Variants in ANO4 observed in about 807,000 individuals in gnomAD.
The protein encoded by ANO4 is anoctamin 4, also known as anoctamin-4.
A neutral mutation model predicts 141.9 loss-of-function variants in ANO4; 69 were observed. That is an observed-to-expected ratio of 0.49 (90% confidence interval 0.40 to 0.59). The LOEUF is 0.59. Ranked by LOEUF, ANO4 falls within the 20% of genes least tolerant of loss-of-function variation. ANO4 has a pLI of 0.00. For missense variants in ANO4, 894 were observed against 1,162.2 expected, an observed-to-expected ratio of 0.77 and a Z score of 3.36; for synonymous variants, 350 against 394.3, an observed-to-expected ratio of 0.89 and a Z score of 1.33.
At chr12:100,873,309 G>A (rs1565956962) in intron 1 of ANO4, among the ~76,000 whole-genome samples, 1 of 152,204 alleles carries the variant, frequency 6.6e-6, no homozygotes, top group African/African-American at 2.4e-5. Flanking sequence ...AGTATGGAGG[G>A]CTCAGAGGAA....
chr12:100,736,641 G>A (rs1050612311), intron 2 of ANO4, among the ~76,000 whole-genome samples: 1 of 152,170 alleles, frequency 6.6e-6, no homozygotes, highest in African/African-American at 2.4e-5. Context: ...CTGTGATTGT[G>A]ACTGTATTTG....
chr12:100,722,114 T>C (rs1051886719), intron 1 of ANO4, among the ~76,000 whole-genome samples: 1 of 152,154 alleles, frequency 6.6e-6, no homozygotes, highest in African/African-American at 2.4e-5. Flanking sequence ...CAGTAAGCAT[T>C]AGGTATTATT....
At chr12:100,868,311 G>T (rs1300554110) in intron 1 of ANO4, among the ~76,000 whole-genome samples, 1 of 152,068 alleles carries the variant, frequency 6.6e-6, no homozygotes, top group Non-Finnish European at 1.5e-5. Context: ...TTGGTGAGAG[G>T]CTAAAATCCT....
At chr12:100,764,658 C>G (rs2033004445) in intron 3 of ANO4, among the ~76,000 whole-genome samples, 1 of 152,124 alleles carries the variant, frequency 6.6e-6, no homozygotes, top group Non-Finnish European at 1.5e-5. Context: ...TTACTTTATA[C>G]ATAATCAGCA....
intron 8 of ANO4, among the ~76,000 whole-genome samples, chr12:100,993,643 A>G (rs2045240427): frequency 1.3e-5 from 2 of 152,102 alleles, no homozygotes; most frequent in African/African-American, 4.8e-5. Context: ...GGCTACTGTT[A>G]TCTTGTTATT....
chr12:100,891,905 C>G (rs543833694), intron 1 of ANO4, among the ~76,000 whole-genome samples: 1 of 152,092 alleles, frequency 6.6e-6, no homozygotes, highest in African/African-American at 2.4e-5. Flanking sequence ...CCAACATCTC[C>G]ACAACTGAGC....
chr12:101,023,013 T>C (rs200057432), intron 9 of ANO4, among the ~76,000 whole-genome samples: 3 of 152,286 alleles, frequency 2.0e-5, no homozygotes, highest in East Asian at 3.9e-4. Flanking sequence ...CGACTCTTTA[T>C]GAGACACTAG....
intron 1 of ANO4, among the ~76,000 whole-genome samples, chr12:100,812,459 T>C (rs2035498298): frequency 6.6e-6 from 1 of 151,574 alleles, no homozygotes; most frequent in Admixed American, 6.6e-5. Context: ...CTCCAATATG[T>C]TTGTATTTAT....
intron 9 of ANO4, among the ~76,000 whole-genome samples, chr12:101,032,427 TAACTC>T (rs1266222533): frequency 7.9e-5 from 12 of 151,714 alleles, no homozygotes; most frequent in Non-Finnish European, 1.5e-4. Context: ...ATACAAAAAT[TAACTC>T]AAAGCAATGG....
At position 100,763,050 on chromosome 12, in the gene ANO4, A is replaced by T. The variant is rs146233705; in HGVS notation, c.358+22945A>T. On this transcript the variant is annotated intron_variant, in intron 3 of 29. Coordinates refer to the ANO4 transcript ENST00000644049. ...ATAATTTGCCCAAGACATGGAACCTAGTAAATGGGTGAGCAGGGATTTGAA... is the reference window on the plus strand; with the variant it reads ...ATAATTTGCCCAAGACATGGAACCTTGTAAATGGGTGAGCAGGGATTTGAA... Among the ~76,000 whole-genome samples, 386 of 152,328 alleles carry T rather than the reference A, an allele frequency of 2.5e-3. 1 individual carries two copies. The highest frequency in any genetic ancestry group is 8.5e-3 in the African/African-American group (355 of 41,584).
chr12:100,870,151 A>G (rs980377712), intron 1 of ANO4, among the ~76,000 whole-genome samples: 4 of 152,208 alleles, frequency 2.6e-5, no homozygotes, highest in Admixed American at 2.0e-4. Flanking sequence ...ACTTGGAGAC[A>G]GGCATAACTG....
intron 3 of ANO4, among the ~76,000 whole-genome samples, chr12:100,935,392 G>T (rs1038842900): frequency 6.6e-6 from 1 of 152,170 alleles, no homozygotes; most frequent in African/African-American, 2.4e-5. Flanking sequence ...GATGGATTAA[G>T]TTTATTGTTT....
Position 100,983,701 on chromosome 12 carries a change from T to G in ANO4, c.603-3838T>G, listed in dbSNP as rs117197566. 2.2e-3 allele frequency among the ~76,000 whole-genome samples: 329 copies of G among 152,270 alleles called. 6 individuals are homozygous for G. In the East Asian group the frequency reaches 0.033, roughly 15 times the overall value. On this transcript the variant is annotated intron_variant, in intron 7 of 27. Coordinates refer to ENST00000392977, the MANE Select transcript of ANO4 (RefSeq NM_001286615.2). ...TTCTCAAACTTTGAATCTCTCTGAT[T>G]CTCCTTCTGCCACATCCCTCCTGCT...
At chr12:101,079,386 A>G in intron 15 of ANO4, 111 bp downstream of exon 15, 1 of 886,204 alleles carries the variant, frequency 1.1e-6, no homozygotes, top group Admixed American at 2.6e-5. Flanking sequence ...GTGTACTCAT[A>G]AAGCATTTTC....
chr12:100,923,697 T>C (rs2041740605), intron 3 of ANO4, among the ~76,000 whole-genome samples: 1 of 152,146 alleles, frequency 6.6e-6, no homozygotes, highest in South Asian at 2.1e-4. Flanking sequence ...TTCTACCTCC[T>C]TGAGGAATCA....
chr12:100,814,823 A>G (rs1478817297), intron 1 of ANO4, among the ~76,000 whole-genome samples: 1 of 152,138 alleles, frequency 6.6e-6, no homozygotes, highest in Non-Finnish European at 1.5e-5. Context: ...AGGAATCCTT[A>G]TTGAACTTGA....
At chr12:100,894,383 G>A (rs1407233307) in intron 1 of ANO4, among the ~76,000 whole-genome samples, 2 of 152,060 alleles carry the variant, frequency 1.3e-5, no homozygotes, top group African/African-American at 4.8e-5. Flanking sequence ...GGTGGTTGGG[G>A]GGAGCGGGGG....
chr12:101,043,844 G>T (rs2047515986), intron 13 of ANO4, among the ~76,000 whole-genome samples: 1 of 152,172 alleles, frequency 6.6e-6, no homozygotes, highest in African/African-American at 2.4e-5. Flanking sequence ...CATCATCCAT[G>T]GAGCTGCAGC....
At chr12:100,858,479 A>G (rs147934651) in intron 1 of ANO4, among the ~76,000 whole-genome samples, 213 of 152,312 alleles carry the variant, frequency 1.4e-3, no homozygotes, top group African/African-American at 5.0e-3. Context: ...ATCTATATGT[A>G]TATGGGTGTG....
Sources: gnomAD v4.1 joint callset for allele counts (sites outside exome capture counted in the v4.1 genomes callset) on GRCh38, gnomAD v4.1.1 for gene constraint, MANE v1.5 for transcripts, NCBI Gene and HGNC (gene_info 2026-07-23, HGNC 2026-07-21) for gene names.